The following CRIM1 variants were observed in gnomAD, a reference collection of about 807,000 sequenced individuals.
CRIM1 encodes cysteine rich transmembrane BMP regulator 1.
A neutral mutation model predicts 116.4 loss-of-function variants in CRIM1; 32 were observed. The ratio of observed to expected loss-of-function variants is 0.27; its 90% CI spans 0.21 to 0.37. The LOEUF (loss-of-function observed/expected upper bound fraction) is 0.37, where lower values mean the gene tolerates loss of function less well. Ranked by LOEUF, CRIM1 falls within the 10% of genes least tolerant of loss-of-function variation. The pLI is 1.00. For missense variants in CRIM1, 1,331 were observed against 1,354.8 expected (o/e 0.98, Z 0.28); for synonymous variants, 590 against 509.2 (o/e 1.16, Z -2.13).
intron 2 of CRIM1, among the ~76,000 whole-genome samples, chr2:36,420,232 T>C (rs1286653302): frequency 6.6e-6 from 1 of 152,214 alleles, no homozygotes; most frequent in African/African-American, 2.4e-5. Flanking sequence ...TTTTTGAGAA[T>C]GAGAATGTGG....
intron 2 of CRIM1, among the ~76,000 whole-genome samples, chr2:36,408,864 A>C (rs576280448): frequency 5.9e-5 from 9 of 152,270 alleles, no homozygotes; most frequent in African/African-American, 2.2e-4. Flanking sequence ...ATAAACTCAC[A>C]GACAGTCAAA....
intron 4 of CRIM1, among the ~76,000 whole-genome samples, chr2:36,452,375 C>T (rs761352669): frequency 3.9e-5 from 6 of 152,146 alleles, no homozygotes; most frequent in Non-Finnish European, 5.9e-5. Context: ...ATTTGAAGCT[C>T]ATCTTTCTCA....
At chr2:36,462,310 A>T (rs982643949) in intron 4 of CRIM1, among the ~76,000 whole-genome samples, 1 of 152,226 alleles carries the variant, frequency 6.6e-6, no homozygotes, top group African/African-American at 2.4e-5. Context: ...ACCTCTATGC[A>T]ATATATGTCT....
intron 13 of CRIM1, among the ~76,000 whole-genome samples, chr2:36,524,113 G>T (rs534207770): frequency 6.6e-6 from 1 of 152,128 alleles, no homozygotes; most frequent in Admixed American, 6.5e-5. Context: ...GTGAAAAGGG[G>T]GCTGTTAATA....
At chr2:36,363,704 G>C (rs1022162032) in intron 1 of CRIM1, among the ~76,000 whole-genome samples, 2 of 152,010 alleles carry the variant, frequency 1.3e-5, no homozygotes, top group Non-Finnish European at 2.9e-5. Flanking sequence ...GGGAGGAGGC[G>C]GGAACCTAGA....
chr2:36,440,915 C>G (rs924747890), intron 2 of CRIM1, among the ~76,000 whole-genome samples: 2 of 152,182 alleles, frequency 1.3e-5, no homozygotes, highest in Non-Finnish European at 2.9e-5. Context: ...AAAGATCTTT[C>G]AGTTACTCAA....
intron 13 of CRIM1, among the ~76,000 whole-genome samples, chr2:36,523,932 A>G (rs1014806562): frequency 5.9e-5 from 9 of 152,224 alleles, no homozygotes; most frequent in Non-Finnish European, 1.3e-4. Flanking sequence ...GCCTGTTCTT[A>G]GGAATTTTAC....
At chr2:36,456,437 C>T (rs1203096933) in intron 4 of CRIM1, among the ~76,000 whole-genome samples, 2 of 152,222 alleles carry the variant, frequency 1.3e-5, no homozygotes, top group African/African-American at 4.8e-5. Context: ...AACTTATTCT[C>T]CACTTCCCAG....
At chr2:36,380,294 T>C (rs1378405018) in intron 1 of CRIM1, among the ~76,000 whole-genome samples, 1 of 152,226 alleles carries the variant, frequency 6.6e-6, no homozygotes, top group Non-Finnish European at 1.5e-5. Flanking sequence ...CTTCCCTTTT[T>C]TGAGTTCCAG....
intron 4 of CRIM1, among the ~76,000 whole-genome samples, chr2:36,450,583 A>G (rs1261414587): frequency 6.6e-6 from 1 of 152,154 alleles, no homozygotes; most frequent in Admixed American, 6.5e-5. Flanking sequence ...TTTCTCTCCC[A>G]TAAAACATTG....
intron 1 of CRIM1, among the ~76,000 whole-genome samples, chr2:36,387,955 C>CTT (rs756870840): frequency 7.2e-6 from 1 of 139,140 alleles, no homozygotes; most frequent in Non-Finnish European, 1.6e-5. Flanking sequence ...TTAGTTCATT[C>CTT]TTTTTTTTTT....
Position 36,544,134 on chromosome 2 carries a change from T to C in CRIM1, c.2624-242T>C, listed in dbSNP as rs571594640. 4.7e-3 allele frequency among the ~76,000 whole-genome samples: 716 copies of C among 152,256 alleles called. 5 individuals are homozygous for C. Among genetic ancestry groups the C allele is most frequent in the Non-Finnish European group, 8.1e-3 (553 of 68,012 alleles). On this transcript the variant is annotated intron_variant, in intron 14 of 16. Transcript: ENST00000280527. Reference sequence around the variant, plus strand: ...AACACCATTTGACGTGAAAAAGCAGTTTTTGACCCTGGTGGAGTAGAGAAT... The same window carrying C: ...AACACCATTTGACGTGAAAAAGCAGCTTTTGACCCTGGTGGAGTAGAGAAT...
chr2:36,393,017 C>T (rs1365372641), intron 1 of CRIM1, among the ~76,000 whole-genome samples: 1 of 152,124 alleles, frequency 6.6e-6, no homozygotes, highest in Admixed American at 6.5e-5. Context: ...CAGCAAGGGG[C>T]CAGCGGCCTC....
At chr2:36,494,347 A>G (rs1458642177) in intron 7 of CRIM1, among the ~76,000 whole-genome samples, 1 of 152,184 alleles carries the variant, frequency 6.6e-6, no homozygotes, top group African/African-American at 2.4e-5. Flanking sequence ...ATTTTCCTGG[A>G]AATAATTTTA....
chr2:36,496,787 G>A (rs986340892), intron 7 of CRIM1, among the ~76,000 whole-genome samples: 7 of 152,152 alleles, frequency 4.6e-5, no homozygotes, highest in South Asian at 2.1e-4. Context: ...TGACTGATAC[G>A]GGGCTGCCCA....
chr2:36,386,290 T>C (rs1397048956), intron 1 of CRIM1, among the ~76,000 whole-genome samples: 2 of 152,244 alleles, frequency 1.3e-5, no homozygotes, highest in African/African-American at 2.4e-5. Flanking sequence ...ATTAAAAGTT[T>C]ATTATTTAAG....
chr2:36,525,886 ACCAAAAATAG>A (rs1283502825), intron 13 of CRIM1, among the ~76,000 whole-genome samples: 1 of 152,198 alleles, frequency 6.6e-6, no homozygotes, highest in Non-Finnish European at 1.5e-5. Context: ...TGGTGATTCT[ACCAAAAATAG>A]TTTTCTGATT....
intron 2 of CRIM1, among the ~76,000 whole-genome samples, chr2:36,402,994 TA>T (rs751430928): frequency 1.3e-4 from 20 of 152,154 alleles, no homozygotes; most frequent in Non-Finnish European, 2.6e-4. Context: ...GGTGTATAAT[TA>T]CAAAGAGATA....
rs186699095 is a variant in CRIM1, at chr2:36,429,327, C to T, written c.506-11931C>T. 1.6e-3 allele frequency among the ~76,000 whole-genome samples: 243 copies of T among 152,258 alleles called. 1 individual carries two copies. The highest frequency in any genetic ancestry group is 5.5e-3 in the African/African-American group (227 of 41,524). The stretch of plus-strand genomic sequence containing the variant: ...TCCTGGAATATGGGAGCAACACTGA[C>T]GCAGAACACAGTGTTCACTTTGGAA... On this transcript the variant is annotated intron_variant, in intron 2 of 16. Transcript: ENST00000280527.
Sources: allele counts gnomAD v4.1 joint callset (sites outside exome capture counted in the v4.1 genomes callset), GRCh38; gene constraint gnomAD v4.1.1; transcripts MANE v1.5; gene names NCBI Gene and HGNC (gene_info 2026-07-23, HGNC 2026-07-21).